The following CEP41 variants were observed in gnomAD, a reference collection of about 807,000 sequenced individuals.
CEP41 encodes the protein centrosomal protein of 41 kDa.
A neutral mutation model predicts 44.3 loss-of-function variants in CEP41; 32 were observed. The observed-to-expected ratio is 0.72, with a 90% CI of 0.54 to 0.97. The LOEUF (loss-of-function observed/expected upper bound fraction) is 0.97. Ranked by LOEUF, CEP41 falls within the 50% of genes least tolerant of loss-of-function variation. CEP41 has a pLI of 0.00. For synonymous variants in CEP41, 151 were observed against 168.5 expected (o/e 0.90, Z 0.80); for missense variants, 432 against 455.2 (o/e 0.95, Z 0.46).
At chr7:130,413,559 T>A (rs782049628) in intron 3 of CEP41, among the ~76,000 whole-genome samples, 5 of 147,826 alleles carry the variant, frequency 3.4e-5, no homozygotes, top group Non-Finnish European at 7.4e-5. Context: ...CCAGCCTGGG[T>A]GAGAGTGAAA....
rs1554413649 is a variant in CEP41 at position 130,394,326 on chromosome 7, G to A, written c.*4565C>T. On this transcript the variant is annotated 3_prime_UTR_variant, in exon 11 of 11. Transcript: ENST00000223208. ...CTCAGTCTCCTCATCTGAAAATGGG[G>A]GTGCCTGCCTCATCAGACTGTTGTG... is the stretch of plus-strand genomic sequence containing the variant. The A allele has an allele frequency of 2.2e-6, 1 of 453,984 alleles. No individual in the cohort carries two copies. Among genetic ancestry groups the A allele is most frequent in the Non-Finnish European group, 4.4e-6 (1 of 226,784 alleles). 28.1% of individuals were successfully genotyped at this position (453,984 alleles called of 1,614,324 possible).
chr7:130,427,867 G>T, intron 2 of CEP41, 88 bp downstream of exon 2: 1 of 847,838 alleles, frequency 1.2e-6, no homozygotes, highest in Non-Finnish European at 2.0e-6. Context: ...ACTTTTAGCT[G>T]TGATTTATAC....
intron 1 of CEP41, chr7:130,440,645 CTG>C: frequency 1.7e-6 from 1 of 585,192 alleles, no homozygotes; most frequent in East Asian, 2.8e-5. Context: ...CACTCCGAGA[CTG>C]TAAGCCATTT....
At chr7:130,440,804 G>T in intron 1 of CEP41, 130 bp downstream of exon 1, 1 of 203,130 alleles carries the variant, frequency 4.9e-6, no homozygotes, top group South Asian at 3.8e-5. Flanking sequence ...CCTGCATCCC[G>T]ACCCCTCCTC....
At position 130,396,585 on chromosome 7, in the gene CEP41, C is replaced by A. The variant is rs1554414627; in HGVS notation, c.*2306G>T. 9 of 454,370 alleles carry A rather than the reference C, an allele frequency of 2.0e-5. No individual in the cohort carries two copies. The allele number at this position is 454,370 out of a possible 1,614,324, so 28.1% of individuals were successfully genotyped here. A position where few individuals can be genotyped will look rare whatever the true frequency, so the allele number is the denominator to read the frequency against. ...ACATTCATAATTGCACAAAGCATCA[C>A]TGGTCATTTAAATAATACATGTCAA... On this transcript the variant is annotated 3_prime_UTR_variant, in exon 11 of 11. Coordinates refer to ENST00000223208, the MANE Select transcript of CEP41 (RefSeq NM_018718.3).
chr7:130,441,142 G>T, upstream of CEP41: 1 of 737,332 alleles, frequency 1.4e-6, no homozygotes, highest in Non-Finnish European at 2.4e-6. Flanking sequence ...GGTCGCAGAA[G>T]GGCAAGACGC....
chr7:130,399,962 G>A, intron 10 of CEP41, 77 bp downstream of exon 10: 1 of 1,016,322 alleles, frequency 9.8e-7, no homozygotes, highest in Non-Finnish European at 1.6e-6. Context: ...AAATATAAGA[G>A]ATGAAGGTTT....
At chr7:130,401,673 T>TAA (rs1164241295) in intron 8 of CEP41, among the ~76,000 whole-genome samples, 1 of 152,144 alleles carries the variant, frequency 6.6e-6, no homozygotes, top group Non-Finnish European at 1.5e-5. Context: ...TAACCTAGTG[T>TAA]TTTTTGGCCC....
intron 1 of CEP41, among the ~76,000 whole-genome samples, chr7:130,428,861 A>G (rs1249948343): frequency 6.6e-6 from 1 of 151,970 alleles, no homozygotes; most frequent in Non-Finnish European, 1.5e-5. Flanking sequence ...CGGTGAGCGG[A>G]GATCGTGCCA....
chr7:130,425,337 T>G (rs2117663182), intron 2 of CEP41, among the ~76,000 whole-genome samples: 1 of 152,166 alleles, frequency 6.6e-6, no homozygotes, highest in African/African-American at 2.4e-5. Context: ...CGCTTGAACC[T>G]GGGAGGCAGA....
In CEP41 at chr7:130,396,351, T is replaced by C; in HGVS notation, c.*2540A>G. On this transcript the variant is annotated 3_prime_UTR_variant, in exon 11 of 11. Coordinates refer to ENST00000223208, the MANE Select transcript of CEP41 (RefSeq NM_018718.3). ...GGAAAAGAAATCCAGGCTTTCTGAC[T>C]GGAGAGCTGAGGCCCCCTGCCCTAA... 4.4e-6 allele frequency: 2 copies of C among 454,142 alleles called. No homozygotes were observed. Among genetic ancestry groups the C allele is most frequent in the South Asian group, 3.1e-5 (2 of 64,470 alleles). 28.1% of individuals were successfully genotyped at this position (454,142 alleles called of 1,614,324 possible). A position where few individuals can be genotyped will look rare whatever the true frequency, so the allele number is the denominator to read the frequency against.
Position 130,428,006 on chromosome 7 carries a change from T to C in CEP41, c.46A>G (p.Arg16Gly). Residue 16 changes from arginine to glycine, a missense_variant, in exon 2 of 11, where the codon AGG (arginine) becomes GGG (glycine). Transcript: ENST00000223208. ...TGGTATCTTGGGTTCTGTGGTATCC[T>C]TTTCATCAGATACTAAAAAATAAGG... ...HIGNPEYLMKRIPQNPRYQHI... is the reference protein window; with the variant it reads ...HIGNPEYLMKGIPQNPRYQHI... 6.3e-7 allele frequency: 1 copy of C among 1,597,068 alleles called. No homozygotes were observed. The highest frequency in any genetic ancestry group is 8.6e-7 in the Non-Finnish European group (1 of 1,164,788).
intron 8 of CEP41, among the ~76,000 whole-genome samples, chr7:130,401,601 T>C (rs1796845357): frequency 6.6e-6 from 1 of 152,186 alleles, no homozygotes; most frequent in Non-Finnish European, 1.5e-5. Context: ...AGTTCTGCTA[T>C]GGAAAGTTTT....
rs181529231 is a variant in CEP41 at position 130,417,302 on chromosome 7, C to T, written c.98-336G>A. The stretch of plus-strand genomic sequence containing the variant: ...CTCCTCCTTTTATCTCCCCTGCCCC[C>T]GCTGACGATCTTTTTGTGGGGAAGA... On this transcript the variant is annotated intron_variant, in intron 2 of 10. Coordinates refer to ENST00000223208, the MANE Select transcript of CEP41 (RefSeq NM_018718.3). The T allele has an allele frequency of 8.8e-5, 98 of 1,109,616 alleles. No individual in the cohort carries two copies. The African/African-American group carries it at 1.3e-3, about 15-fold the overall frequency. 68.7% of individuals were successfully genotyped at this position (1,109,616 alleles called of 1,614,324 possible).
At chr7:130,405,205 C>T (rs571029613) in intron 5 of CEP41, among the ~76,000 whole-genome samples, 21 of 152,192 alleles carry the variant, frequency 1.4e-4, no homozygotes, top group African/African-American at 4.8e-4. Context: ...GTGAGGAGTC[C>T]ACATACATCA....
At chr7:130,411,982 AAAG>A in intron 4 of CEP41, 194 bp downstream of exon 4, 1 of 562,098 alleles carries the variant, frequency 1.8e-6, no homozygotes. Flanking sequence ...AATTCTTATC[AAAG>A]AAGAGAGAAA....
At chr7:130,423,953 T>C (rs917673488) in intron 2 of CEP41, among the ~76,000 whole-genome samples, 12 of 152,338 alleles carry the variant, frequency 7.9e-5, no homozygotes, top group African/African-American at 1.2e-4. Flanking sequence ...TTACTCAACA[T>C]AGTAAATATG....
chr7:130,425,398 A>G (rs1182332333), intron 2 of CEP41, among the ~76,000 whole-genome samples: 3 of 152,168 alleles, frequency 2.0e-5, no homozygotes, highest in Admixed American at 6.5e-5. Context: ...GGGTGACGGG[A>G]TAAGACTCTG....
At position 130,404,559 on chromosome 7, in the gene CEP41, AGTACCTCT is replaced by A. The variant is rs782410781; in HGVS notation, c.419_422+4del. ...GCAGTGAAAATATGAATCAGCTTCGAGTACCTCTGAAGAGTTGAGCGGCTGGAGTCCCC... is the reference window on the plus strand; with the variant it reads ...GCAGTGAAAATATGAATCAGCTTCGAGAAGAGTTGAGCGGCTGGAGTCCCC... On this transcript the variant is annotated splice_donor_variant and splice_donor_region_variant and coding_sequence_variant and intron_variant, in exon 6 of 11. Transcript: ENST00000223208. LOFTEE classifies it high-confidence loss of function. 1 of 1,612,096 alleles carries A rather than the reference AGTACCTCT, an allele frequency of 6.2e-7. No homozygotes were observed. The highest frequency in any genetic ancestry group is 1.3e-5 in the African/African-American group (1 of 74,890).
Sources: gnomAD v4.1 joint callset for allele counts (sites outside exome capture counted in the v4.1 genomes callset) on GRCh38, gnomAD v4.1.1 for gene constraint, MANE v1.5 for transcripts, NCBI Gene and HGNC (gene_info 2026-07-23, HGNC 2026-07-21) for gene names.